The following PKNOX1 variants were observed in gnomAD, a reference collection of about 807,000 sequenced individuals.
PKNOX1 encodes PBX/knotted 1 homeobox 1.
Under a neutral mutation model 51.9 loss-of-function variants are expected in PKNOX1, and 15 were observed. That is an observed-to-expected ratio of 0.29 (90% confidence interval 0.19 to 0.45). PKNOX1 has a LOEUF of 0.45. PKNOX1 is among the 20% of genes least tolerant of loss of function. PKNOX1 has a pLI of 1.00. For missense variants in PKNOX1, 462 were observed against 547.5 expected (o/e 0.84, Z 1.56); for synonymous variants, 219 against 211.1 (o/e 1.04, Z -0.32).
chr21:42,976,652 A>G (rs748502655), intron 1 of PKNOX1, among the ~76,000 whole-genome samples: 3 of 152,198 alleles, frequency 2.0e-5, no homozygotes, highest in Non-Finnish European at 4.4e-5. Context: ...ATTTCAAGAA[A>G]CCACTTTCTT....
At chr21:43,000,067 T>G (rs1978682628) in intron 1 of PKNOX1, among the ~76,000 whole-genome samples, 1 of 152,056 alleles carries the variant, frequency 6.6e-6, no homozygotes, top group African/African-American at 2.4e-5. Context: ...CAGCCTGGAC[T>G]TTACTGTTCA....
chr21:43,013,905 T>C (rs927937578), intron 5 of PKNOX1, among the ~76,000 whole-genome samples: 2 of 152,154 alleles, frequency 1.3e-5, no homozygotes, highest in Admixed American at 1.3e-4. Context: ...TGTAGTGATA[T>C]TAATATTTCT....
chr21:43,008,585 C>T (rs1381222748), intron 3 of PKNOX1, among the ~76,000 whole-genome samples: 1 of 152,162 alleles, frequency 6.6e-6, no homozygotes, highest in Non-Finnish European at 1.5e-5. Context: ...CAAGACCAGA[C>T]TGGCCAACAT....
chr21:43,011,385 G>A (rs1183929309), intron 4 of PKNOX1, among the ~76,000 whole-genome samples: 3 of 152,142 alleles, frequency 2.0e-5, no homozygotes, highest in African/African-American at 7.2e-5. Context: ...CTGTCTTGAG[G>A]CTGACAGTGA....
At chr21:42,985,691 C>T (rs1411229545) in intron 1 of PKNOX1, among the ~76,000 whole-genome samples, 1 of 152,016 alleles carries the variant, frequency 6.6e-6, no homozygotes, top group Non-Finnish European at 1.5e-5. Flanking sequence ...GACCATCCAG[C>T]TCAGAGTCTG....
chr21:43,032,728 C>T lies in PKNOX1; in HGVS notation c.*2627C>T, dbSNP rs234739. 6.6e-6 allele frequency: 1 copy of T among 152,262 alleles called. No individual in the cohort carries two copies. The highest frequency in any genetic ancestry group is 2.4e-5 in the African/African-American group (1 of 41,420). 9.4% of individuals were successfully genotyped at this position (152,262 alleles called of 1,614,324 possible). A position where few individuals can be genotyped will look rare whatever the true frequency, so the allele number is the denominator to read the frequency against. On this transcript the variant is annotated 3_prime_UTR_variant, in exon 11 of 11. Transcript: ENST00000291547. ...ATACAGTGTGCATTCTCTCCAGCTG[C>T]AAACTTTCTTCAACTTTCCTAAATT... is the stretch of plus-strand genomic sequence containing the variant.
intron 7 of PKNOX1, chr21:43,020,602 C>T (rs1220276323): frequency 6.6e-6 from 1 of 152,350 alleles, no homozygotes; most frequent in Non-Finnish European, 1.5e-5. Context: ...CAGCCTGTGC[C>T]CTCCTGTTCT....
chr21:43,000,785 T>G (rs1340213239), intron 1 of PKNOX1, among the ~76,000 whole-genome samples: 1 of 152,052 alleles, frequency 6.6e-6, no homozygotes, highest in Non-Finnish European at 1.5e-5. Flanking sequence ...TAGGGGGCTG[T>G]GGTGGGAGCA....
intron 1 of PKNOX1, among the ~76,000 whole-genome samples, chr21:43,003,456 G>A (rs1978852163): frequency 6.6e-6 from 1 of 152,166 alleles, no homozygotes; most frequent in Admixed American, 6.5e-5. Flanking sequence ...GTCTCCCTGA[G>A]CGCCTCTTTT....
At chr21:43,027,658 A>T (rs879466962) in intron 9 of PKNOX1, among the ~76,000 whole-genome samples, 3 of 151,638 alleles carry the variant, frequency 2.0e-5, no homozygotes, top group Non-Finnish European at 4.4e-5. Context: ...AGTGGCTCAC[A>T]TCTGTAATCC....
rs1452617408 is a variant in PKNOX1 at position 43,021,887 on chromosome 21, C to T, written c.849+456C>T. 3.3e-5 allele frequency among the ~76,000 whole-genome samples: 5 copies of T among 152,228 alleles called. No individual in the cohort carries two copies. Among genetic ancestry groups the T allele is most frequent in the Admixed American group, 1.3e-4 (2 of 15,290 alleles). Reference sequence around the variant, plus strand: ...GGAAGCGAGTTTGTCCCACAGGGCGCGCCGTTTTGCCCAGCACGTGTGCAC... The same window carrying T: ...GGAAGCGAGTTTGTCCCACAGGGCGTGCCGTTTTGCCCAGCACGTGTGCAC... On this transcript the variant is annotated intron_variant, in intron 8 of 10. Transcript: ENST00000291547. The surrounding 1 kb of genome is among the most constrained non-coding windows in gnomAD (Gnocchi z 4.6).
intron 1 of PKNOX1, among the ~76,000 whole-genome samples, chr21:42,997,348 G>A (rs549097415): frequency 6.6e-6 from 1 of 152,258 alleles, no homozygotes; most frequent in Admixed American, 6.5e-5. Flanking sequence ...CGTGGCCTCG[G>A]GAGCCTTACG....
rs994091111 is a variant in PKNOX1, at chr21:43,030,941, AT to A, written c.*845del. The A allele has an allele frequency of 1.3e-5, 2 of 152,218 alleles. No homozygotes were observed. The highest frequency in any genetic ancestry group is 4.1e-4 in the South Asian group (2 of 4,836). 9.4% of individuals were successfully genotyped at this position (152,218 alleles called of 1,614,324 possible). A position where few individuals can be genotyped will look rare whatever the true frequency, so the allele number is the denominator to read the frequency against. ...TTTAATGAAATTTTGATATCTGCAA[AT>A]TTTTGTTGATATGTAATGCTCAGAT... On this transcript the variant is annotated 3_prime_UTR_variant, in exon 11 of 11. Coordinates refer to ENST00000291547, the MANE Select transcript of PKNOX1 (RefSeq NM_004571.5).
chr21:42,985,844 C>CA (rs2059049519), intron 1 of PKNOX1, among the ~76,000 whole-genome samples: 2 of 151,190 alleles, frequency 1.3e-5, no homozygotes, highest in Admixed American at 6.6e-5. Context: ...CCTAAAAATA[C>CA]AAAAAAATTA....
At chr21:43,028,477 G>A in intron 9 of PKNOX1, 1 of 550,214 alleles carries the variant, frequency 1.8e-6, no homozygotes, top group Non-Finnish European at 3.2e-6. Flanking sequence ...GGACGAGTTG[G>A]TGCTTATTTG....
intron 1 of PKNOX1, among the ~76,000 whole-genome samples, chr21:42,979,634 TG>T (rs1310652074): frequency 2.0e-5 from 3 of 152,056 alleles, no homozygotes; most frequent in Non-Finnish European, 4.4e-5. Flanking sequence ...CTCAGCCACT[TG>T]GGAGGCTAAG....
chr21:42,997,419 G>C (rs1978555910), intron 1 of PKNOX1, among the ~76,000 whole-genome samples: 1 of 152,180 alleles, frequency 6.6e-6, no homozygotes, highest in Admixed American at 6.6e-5. Context: ...TTTGTCAACT[G>C]TGCATCAGCC....
chr21:43,007,611 A>G lies in PKNOX1; in HGVS notation c.172A>G (p.Ile58Val). The G allele has an allele frequency of 6.2e-7, 1 of 1,614,124 alleles. No individual in the cohort carries two copies. The highest frequency in any genetic ancestry group is 8.5e-7 in the Non-Finnish European group (1 of 1,179,998). ...CCCGATGGATGTGGACAAGCAGGCC[A>G]TTTATAGGTAGTGCCCGGGGTGCCG... ...QTPMDVDKQA[I>V]YRHPLFPLLA... Residue 58 changes from isoleucine (I) to valine (V), a missense_variant, in exon 3 of 11, where the codon ATT (isoleucine) becomes GTT (valine). Transcript: ENST00000291547.
chr21:43,022,659 C>T (rs534013470), intron 8 of PKNOX1, among the ~76,000 whole-genome samples: 4 of 152,066 alleles, frequency 2.6e-5, no homozygotes, highest in East Asian at 1.9e-4. Context: ...GGGGCTGCTC[C>T]GAGAAATTGG....
Sources: allele counts gnomAD v4.1 joint callset (sites outside exome capture counted in the v4.1 genomes callset), GRCh38; gene constraint gnomAD v4.1.1; non-coding constraint Gnocchi (gnomAD v3.1); transcripts MANE v1.5; gene names NCBI Gene and HGNC (gene_info 2026-07-23, HGNC 2026-07-21).